The following NKAIN3 variants were observed in gnomAD, a reference collection of about 807,000 sequenced individuals.
NKAIN3 encodes sodium/potassium-transporting ATPase subunit beta-1-interacting protein 3.
Under a neutral mutation model 30.2 loss-of-function variants are expected in NKAIN3, and 25 were observed. The ratio of observed to expected loss-of-function variants is 0.83; its 90% CI spans 0.60 to 1.16. The LOEUF (loss-of-function observed/expected upper bound fraction) is 1.16, where lower values mean the gene tolerates loss of function less well. Ranked by LOEUF, NKAIN3 falls within the 50% of genes most tolerant of loss-of-function variation. NKAIN3 has a pLI of 0.00. For missense variants in NKAIN3, 225 were observed against 254.1 expected (o/e 0.89, Z 0.78); for synonymous variants, 91 against 89.6 (o/e 1.02, Z -0.09).
At chr8:62,818,717 C>T (rs905530230) in intron 4 of NKAIN3, among the ~76,000 whole-genome samples, 1 of 152,124 alleles carries the variant, frequency 6.6e-6, no homozygotes, top group South Asian at 2.1e-4. Flanking sequence ...ACAAAATAAT[C>T]TGATAATTAT....
chr8:62,640,457 A>G (rs1812275205), intron 3 of NKAIN3, among the ~76,000 whole-genome samples: 1 of 152,144 alleles, frequency 6.6e-6, no homozygotes, highest in Non-Finnish European at 1.5e-5. Context: ...CTCTGAGTCA[A>G]TTAAACCTCT....
intron 4 of NKAIN3, among the ~76,000 whole-genome samples, chr8:62,893,220 A>G (rs1477611347): frequency 6.6e-6 from 1 of 152,030 alleles, no homozygotes; most frequent in Non-Finnish European, 1.5e-5. Flanking sequence ...AGGCTCCTCC[A>G]TGTCCGTACG....
At chr8:62,353,698 C>T (rs1585714634) in intron 1 of NKAIN3, among the ~76,000 whole-genome samples, 1 of 152,062 alleles carries the variant, frequency 6.6e-6, no homozygotes, top group Non-Finnish European at 1.5e-5. Context: ...TCCATAAATA[C>T]TTACTAATAA....
intron 4 of NKAIN3, among the ~76,000 whole-genome samples, chr8:62,812,786 A>C (rs1818532785): frequency 6.6e-6 from 1 of 151,858 alleles, no homozygotes; most frequent in Non-Finnish European, 1.5e-5. Context: ...TCCTCCCTGA[A>C]TGATAAGATG....
intron 3 of NKAIN3, among the ~76,000 whole-genome samples, chr8:62,692,735 C>A (rs576262798): frequency 6.6e-6 from 1 of 152,182 alleles, no homozygotes; most frequent in Admixed American, 6.5e-5. Flanking sequence ...TGAGGCCACT[C>A]GACATTCTCT....
chr8:62,963,034 G>A (rs1233033309), intron 6 of NKAIN3, among the ~76,000 whole-genome samples: 3 of 152,034 alleles, frequency 2.0e-5, no homozygotes, highest in Non-Finnish European at 2.9e-5. Flanking sequence ...TGGGATTACA[G>A]GTGCCTGCTA....
chr8:62,987,841 T>TTAATGTAATGTAATGTAATG (rs1462993374), downstream of NKAIN3, among the ~76,000 whole-genome samples: 2 of 152,140 alleles, frequency 1.3e-5, no homozygotes, highest in African/African-American at 2.4e-5. Flanking sequence ...CATTACAGCA[T>TTAATGTAATGTAATGTAATG]TAACACAAAA....
At chr8:62,907,565 G>T (rs1458086069) in intron 4 of NKAIN3, among the ~76,000 whole-genome samples, 2 of 152,166 alleles carry the variant, frequency 1.3e-5, no homozygotes, top group Non-Finnish European at 2.9e-5. Context: ...TGGTTTCATG[G>T]GCTGGGCCCA....
chr8:62,929,100 G>A (rs758170925), intron 5 of NKAIN3, among the ~76,000 whole-genome samples: 2 of 152,236 alleles, frequency 1.3e-5, no homozygotes, highest in Non-Finnish European at 2.9e-5. Flanking sequence ...ATTCCTGGCA[G>A]AAGGAGCAGT....
At chr8:62,901,347 G>A (rs1200465873) in intron 4 of NKAIN3, among the ~76,000 whole-genome samples, 1 of 152,196 alleles carries the variant, frequency 6.6e-6, no homozygotes, top group Non-Finnish European at 1.5e-5. Context: ...CCTCCAATAT[G>A]AGCTACTTCC....
intron 3 of NKAIN3, among the ~76,000 whole-genome samples, chr8:62,712,460 G>T (rs1383183447): frequency 6.6e-6 from 1 of 152,056 alleles, no homozygotes; most frequent in Admixed American, 6.5e-5. Flanking sequence ...CTGAAGTTGT[G>T]TACCTAGGAG....
At position 62,623,064 on chromosome 8, in the gene NKAIN3, G is replaced by A. The variant is rs572795833; in HGVS notation, c.273+33270G>A. Among the ~76,000 whole-genome samples the A allele has an allele frequency of 1.4e-4, 22 of 151,870 alleles. No individual in the cohort carries two copies. In the East Asian group the frequency reaches 3.1e-3, roughly 21 times the overall value. ...ATAAAAAATGTACTGATGAAATGACGCCAGGAGAAAAGAGGCATGATTGAA... is the reference window on the plus strand; with the variant it reads ...ATAAAAAATGTACTGATGAAATGACACCAGGAGAAAAGAGGCATGATTGAA... On this transcript the variant is annotated intron_variant, in intron 3 of 6. Transcript: ENST00000623646.
intron 3 of NKAIN3, among the ~76,000 whole-genome samples, chr8:62,654,101 T>C (rs1812700204): frequency 6.6e-6 from 1 of 151,634 alleles, no homozygotes; most frequent in African/African-American, 2.4e-5. Context: ...CTCCTATCAC[T>C]AACATCCTAA....
At chr8:62,997,374 T>C (rs1448182717) in intron 5 of NKAIN3, among the ~76,000 whole-genome samples, 1 of 151,756 alleles carries the variant, frequency 6.6e-6, no homozygotes, top group Non-Finnish European at 1.5e-5. Context: ...TTTAAAACCA[T>C]GGCAGTGAGT....
At chr8:62,307,132 C>G (rs1814271493) in intron 1 of NKAIN3, among the ~76,000 whole-genome samples, 3 of 149,890 alleles carry the variant, frequency 2.0e-5, no homozygotes, top group African/African-American at 5.1e-5. Context: ...CCCATGAGTC[C>G]TTGGGTAGCT....
At chr8:62,566,896 A>T (rs1222673857) in intron 1 of NKAIN3, among the ~76,000 whole-genome samples, 1 of 152,176 alleles carries the variant, frequency 6.6e-6, no homozygotes, top group East Asian at 1.9e-4. Context: ...TTTTCTAGGC[A>T]AAGAAAAGGA....
intron 3 of NKAIN3, among the ~76,000 whole-genome samples, chr8:62,718,516 CTAATT>C (rs1324744384): frequency 3.3e-4 from 50 of 152,226 alleles, no homozygotes; most frequent in Non-Finnish European, 6.3e-4. Context: ...ATTTATTAAA[CTAATT>C]TATCTGTGTA....
At chr8:62,727,812 G>A (rs535941666) in intron 3 of NKAIN3, among the ~76,000 whole-genome samples, 3 of 152,164 alleles carry the variant, frequency 2.0e-5, no homozygotes, top group South Asian at 2.1e-4. Context: ...GAAATCCAAA[G>A]TTGTTCTGTG....
intron 5 of NKAIN3, among the ~76,000 whole-genome samples, chr8:62,941,832 A>G (rs2130883659): frequency 6.6e-6 from 1 of 152,246 alleles, no homozygotes; most frequent in Middle Eastern, 3.4e-3. Flanking sequence ...TGTTGAAAGC[A>G]TTCCCCATGA....
Sources: gnomAD v4.1 joint callset for allele counts (sites outside exome capture counted in the v4.1 genomes callset) on GRCh38, gnomAD v4.1.1 for gene constraint, MANE v1.5 for transcripts, NCBI Gene and HGNC (gene_info 2026-07-23, HGNC 2026-07-21) for gene names.